Variants in KLHL2 observed in about 807,000 individuals in gnomAD.
KLHL2 encodes kelch like family member 2, also known as kelch-like protein 2.
A neutral mutation model predicts 75.8 loss-of-function variants in KLHL2; 15 were observed. The observed-to-expected ratio is 0.20, with a 90% CI of 0.13 to 0.30. KLHL2 has a LOEUF of 0.30. Ranked by LOEUF, KLHL2 falls within the 10% of genes least tolerant of loss-of-function variation. The pLI is 1.00. For synonymous variants in KLHL2, 214 were observed against 251.9 expected (o/e 0.85, Z 1.42); for missense variants, 381 against 741.0 (o/e 0.51, Z 5.64).
At chr4:165,294,269 A>G (rs1744741082) in intron 5 of KLHL2, 90 bp from the exon 6 acceptor site, 1 of 732,752 alleles carries the variant, frequency 1.4e-6, no homozygotes, top group South Asian at 1.8e-5. Context: ...CTTAAGTTAG[A>G]TTAAATTAAG....
At chr4:165,298,944 C>CCT (rs1745131986) in intron 7 of KLHL2, among the ~76,000 whole-genome samples, 2 of 134,228 alleles carry the variant, frequency 1.5e-5, no homozygotes, top group Non-Finnish European at 3.2e-5. Context: ...CCCCCGCCCC[C>CCT]CCTCCCCCCC....
chr4:165,255,836 C>T (rs1321864658), intron 4 of KLHL2, among the ~76,000 whole-genome samples: 1 of 152,164 alleles, frequency 6.6e-6, no homozygotes, highest in African/African-American at 2.4e-5. Flanking sequence ...GCTGTCTTTT[C>T]ATGCTTGCAT....
chr4:165,311,402 A>G lies in KLHL2; in HGVS notation c.1238-62A>G, dbSNP rs138950074. ...TATAACATACCTGAAGTATTTTTCC[A>G]TATATATGAACTATTGACATTTTTT... On this transcript the variant is annotated intron_variant, in intron 10 of 14. Coordinates refer to ENST00000226725, the MANE Select transcript of KLHL2 (RefSeq NM_007246.4). 2.1e-3 allele frequency: 2,399 copies of G among 1,167,922 alleles called. 6 individuals are homozygous for G. The highest frequency in any genetic ancestry group is 0.014 in the Middle Eastern group (72 of 5,068). 72.3% of individuals were successfully genotyped at this position (1,167,922 alleles called of 1,614,324 possible). A position where few individuals can be genotyped will look rare whatever the true frequency, so the allele number is the denominator to read the frequency against.
intron 4 of KLHL2, among the ~76,000 whole-genome samples, chr4:165,243,693 A>G (rs1249648346): frequency 1.3e-5 from 2 of 152,236 alleles, no homozygotes; most frequent in Non-Finnish European, 2.9e-5. Context: ...TATTGGTGGT[A>G]TAGGGCAGGT....
intron 2 of KLHL2, among the ~76,000 whole-genome samples, chr4:165,224,984 C>T (rs1419745258): frequency 1.3e-5 from 2 of 152,104 alleles, no homozygotes; most frequent in African/African-American, 4.8e-5. Flanking sequence ...ACAGGTTTTT[C>T]TCAGTCTTAG....
At position 165,313,335 on chromosome 4, in the gene KLHL2, A is replaced by G. The variant is rs952680530; in HGVS notation, c.1437A>G (p.Ile479Met). 2 of 1,550,296 alleles carry G rather than the reference A, an allele frequency of 1.3e-6. No individual in the cohort carries two copies. Among genetic ancestry groups the G allele is most frequent in the Non-Finnish European group, 1.7e-6 (2 of 1,153,986 alleles). ...YNATTNEWTY[I>M]AEMSTRRSGA... Reference sequence around the variant, plus strand: ...CTACAACAAATGAGTGGACCTATATAGCAGAAATGAGCACCAGGCGGAGTG... The same window carrying G: ...CTACAACAAATGAGTGGACCTATATGGCAGAAATGAGCACCAGGCGGAGTG... The change falls in exon 12 of 15, where the codon ATA becomes ATG. Residue 479 changes from isoleucine (I) to methionine (M), a missense_variant. Around this residue, in one of 5 missense-constraint regions of KLHL2, gnomAD observed 168 missense variants for 370.4 expected, o/e 0.45. Coordinates refer to ENST00000226725, the MANE Select transcript of KLHL2 (RefSeq NM_007246.4).
chr4:165,222,519 G>C (rs1738079638), intron 2 of KLHL2, among the ~76,000 whole-genome samples: 1 of 152,122 alleles, frequency 6.6e-6, no homozygotes, highest in African/African-American at 2.4e-5. Context: ...AATGACCTTT[G>C]AATAGCCAGA....
rs78257342 is a variant in KLHL2 at position 165,296,379 on chromosome 4, A to G, written c.655-1230A>G. On this transcript the variant is annotated intron_variant, in intron 6 of 14. Coordinates refer to ENST00000226725, the MANE Select transcript of KLHL2 (RefSeq NM_007246.4). ...CAAGTAGCCAGACTTCTTACATGAC[A>G]TTTGGCTTCCTTCAAATGAGCATTT... 7.4e-3 allele frequency among the ~76,000 whole-genome samples: 1,127 copies of G among 152,282 alleles called. 17 individuals are homozygous for G. The highest frequency in any genetic ancestry group is 0.026 in the African/African-American group (1,068 of 41,552).
At chr4:165,320,445 T>C (rs1323941879) in intron 14 of KLHL2, among the ~76,000 whole-genome samples, 1 of 152,188 alleles carries the variant, frequency 6.6e-6, no homozygotes, top group East Asian at 1.9e-4. Flanking sequence ...ATTTTGATAT[T>C]GGACAGTGCC....
chr4:165,278,766 C>T, intron 5 of KLHL2: 1 of 1,568,406 alleles, frequency 6.4e-7, no homozygotes, highest in Non-Finnish European at 8.8e-7. Flanking sequence ...TCAGAAAATA[C>T]ACACTTATGG....
chr4:165,287,481 C>A (rs757296558), intron 5 of KLHL2, among the ~76,000 whole-genome samples: 18 of 152,094 alleles, frequency 1.2e-4, no homozygotes, highest in Non-Finnish European at 2.4e-4. Flanking sequence ...TCTTCAAGAC[C>A]CTGCTTTCCA....
chr4:165,279,964 T>TC (rs1335577327), intron 5 of KLHL2, among the ~76,000 whole-genome samples: 4 of 152,104 alleles, frequency 2.6e-5, no homozygotes, highest in South Asian at 2.1e-4. Flanking sequence ...ACTATCATCT[T>TC]CCCCCCACAA....
At chr4:165,260,114 C>A (rs573800373) in intron 4 of KLHL2, among the ~76,000 whole-genome samples, 1 of 152,040 alleles carries the variant, frequency 6.6e-6, no homozygotes, top group Admixed American at 6.5e-5. Flanking sequence ...GGTCACCAGG[C>A]GTCATGTTAG....
chr4:165,264,721 CATATATATATATATATATGTATAT>C (rs1204037642), intron 5 of KLHL2, among the ~76,000 whole-genome samples: 7 of 71,202 alleles, frequency 9.8e-5, no homozygotes, highest in South Asian at 1.3e-3. Flanking sequence ...TATATATATA[CATATATATATATATATATGTATAT>C]ATATATATAT....
chr4:165,215,087 C>T (rs1737450270), intron 1 of KLHL2, among the ~76,000 whole-genome samples: 1 of 152,064 alleles, frequency 6.6e-6, no homozygotes, highest in African/African-American at 2.4e-5. Context: ...GTAGATTAGT[C>T]TACTGTTTCC....
chr4:165,254,797 T>G (rs1579051215), intron 4 of KLHL2, among the ~76,000 whole-genome samples: 1 of 152,252 alleles, frequency 6.6e-6, no homozygotes, highest in East Asian at 1.9e-4. Context: ...TTTTGCAAAT[T>G]TTCCCTGATT....
chr4:165,261,606 T>C (rs1741683591), intron 4 of KLHL2, among the ~76,000 whole-genome samples: 1 of 152,238 alleles, frequency 6.6e-6, no homozygotes, highest in Admixed American at 6.5e-5. Context: ...CCTAAAGTGC[T>C]GGGATTACAG....
chr4:165,300,471 T>G (rs984401583), intron 8 of KLHL2, among the ~76,000 whole-genome samples: 4 of 152,218 alleles, frequency 2.6e-5, no homozygotes, highest in African/African-American at 9.6e-5. Context: ...GCACATCATA[T>G]GTAGCCATTT....
At chr4:165,305,501 T>C in intron 8 of KLHL2, 107 bp from the exon 9 acceptor site, 1 of 874,764 alleles carries the variant, frequency 1.1e-6, no homozygotes, top group Non-Finnish European at 1.9e-6. Flanking sequence ...CAGCTCACCC[T>C]ATCATCTTCA....
Sources: gnomAD v4.1 joint callset for allele counts (sites outside exome capture counted in the v4.1 genomes callset) on GRCh38, gnomAD v4.1.1 for gene constraint, gnomAD v4.1.1 regional missense constraint, MANE v1.5 for transcripts, NCBI Gene and HGNC (gene_info 2026-07-23, HGNC 2026-07-21) for gene names.